The following PPFIA1 variants were observed in gnomAD, a reference collection of about 807,000 sequenced individuals.
The protein encoded by PPFIA1 is liprin-alpha-1.
PPFIA1 carries 25 observed loss-of-function variants against 149.9 expected under a neutral mutation model. The observed-to-expected ratio is 0.17, with a 90% confidence interval of 0.12 to 0.23. PPFIA1 has a LOEUF of 0.23. PPFIA1 is among the 10% of genes least tolerant of loss of function. PPFIA1 has a pLI of 1.00. For missense variants in PPFIA1, 1,362 were observed against 1,506.5 expected (o/e 0.90, Z 1.59); for synonymous variants, 549 against 552.8 (o/e 0.99, Z 0.10).
intron 2 of PPFIA1, among the ~76,000 whole-genome samples, chr11:70,295,860 G>A (rs1177222191): frequency 6.6e-6 from 1 of 151,742 alleles, no homozygotes; most frequent in Admixed American, 6.5e-5. Context: ...TGGCTGCTGG[G>A]CGGAGGGGCT....
intron 16 of PPFIA1, among the ~76,000 whole-genome samples, chr11:70,349,166 A>G (rs1008870717): frequency 2.0e-5 from 3 of 150,534 alleles, no homozygotes; most frequent in Admixed American, 6.6e-5. Context: ...AAGGAAAAAC[A>G]TGAAATGGGT....
intron 2 of PPFIA1, 84 bp downstream of exon 2, chr11:70,272,520 A>G: frequency 7.1e-7 from 1 of 1,412,064 alleles, no homozygotes; most frequent in Non-Finnish European, 9.6e-7. Context: ...AATGTTTCAG[A>G]TGAGTATTTT....
chr11:70,292,593 G>T (rs2051611650), intron 2 of PPFIA1, among the ~76,000 whole-genome samples: 1 of 152,186 alleles, frequency 6.6e-6, no homozygotes, highest in Non-Finnish European at 1.5e-5. Context: ...ACCGTCCAGG[G>T]GCTGGGTATA....
intron 15 of PPFIA1, among the ~76,000 whole-genome samples, chr11:70,345,592 G>C (rs2055640693): frequency 6.6e-6 from 1 of 152,032 alleles, no homozygotes. Flanking sequence ...TGGTTTAGAG[G>C]AGACTAGGAA....
intron 2 of PPFIA1, chr11:70,279,053 A>G (rs1333062784): frequency 3.8e-6 from 2 of 524,932 alleles, no homozygotes; most frequent in Non-Finnish European, 7.2e-6. Context: ...AATGAGGGGT[A>G]GTATGCTTTA....
Position 70,272,194 on chromosome 11 carries a change from A to G in PPFIA1, c.22A>G (p.Thr8Ala), listed in dbSNP as rs2135967741. 1 of 1,613,800 alleles carries G rather than the reference A, an allele frequency of 6.2e-7. No homozygotes were observed. Among genetic ancestry groups the G allele is most frequent in the South Asian group, 1.1e-5 (1 of 91,072 alleles). Residue 8 changes from threonine (T) to alanine (A), a missense_variant, in exon 2 of 28, where the codon ACC becomes GCC. By Grantham distance (58) the Thr-to-Ala change is moderately conservative (BLOSUM62 0). Around this residue, in one of 7 missense-constraint regions of PPFIA1, gnomAD observed 100 missense variants for 106.2 expected, o/e 0.94. Coordinates refer to ENST00000253925, the MANE Select transcript of PPFIA1 (RefSeq NM_003626.5). Reference protein sequence around the residue: MMCEVMPTISEAEGPPGG... With the variant: MMCEVMPAISEAEGPPGG... ...CAAGATGATGTGCGAGGTGATGCCG[A>G]CCATCAGCGAAGCAGAAGGCCCCCC...
At position 70,284,395 on chromosome 11, in the gene PPFIA1, G is replaced by A. The variant is rs546451889; in HGVS notation, c.264+11959G>A. Reference sequence around the variant, plus strand: ...ACTGAATTTGCCATCTTGTCTTCCTGTTCCTACACCTTTAATTGTCAGCAA... The same window carrying A: ...ACTGAATTTGCCATCTTGTCTTCCTATTCCTACACCTTTAATTGTCAGCAA... On this transcript the variant is annotated intron_variant, in intron 2 of 27. Coordinates refer to ENST00000253925, the MANE Select transcript of PPFIA1 (RefSeq NM_003626.5). 3.3e-5 allele frequency among the ~76,000 whole-genome samples: 5 copies of A among 152,274 alleles called. No individual in the cohort carries two copies. The South Asian group carries it at 8.3e-4, about 25-fold the overall frequency.
At chr11:70,311,355 C>T (rs1316950812) in intron 2 of PPFIA1, among the ~76,000 whole-genome samples, 1 of 151,868 alleles carries the variant, frequency 6.6e-6, no homozygotes, top group Non-Finnish European at 1.5e-5. Flanking sequence ...GCTAGAAATC[C>T]AGAAAGTTGT....
chr11:70,278,571 T>C (rs77449480), intron 2 of PPFIA1, among the ~76,000 whole-genome samples: 1 of 152,194 alleles, frequency 6.6e-6, no homozygotes, highest in Non-Finnish European at 1.5e-5. Flanking sequence ...ACTGAGTTTA[T>C]CCACCAGAGT....
At chr11:70,332,305 C>T (rs1348139960) in intron 9 of PPFIA1, among the ~76,000 whole-genome samples, 3 of 152,114 alleles carry the variant, frequency 2.0e-5, no homozygotes, top group Non-Finnish European at 2.9e-5. Flanking sequence ...GTTTTGTGAG[C>T]TGTATACTAT....
At chr11:70,339,686 C>T (rs891980673) in intron 14 of PPFIA1, among the ~76,000 whole-genome samples, 1 of 148,190 alleles carries the variant, frequency 6.7e-6, no homozygotes, top group Non-Finnish European at 1.5e-5. Context: ...CTTTTAAATA[C>T]AATGATAATC....
chr11:70,350,168 A>G (rs1377279908), intron 16 of PPFIA1: 4 of 305,050 alleles, frequency 1.3e-5, no homozygotes, highest in South Asian at 2.6e-5. Context: ...GTGTATTACT[A>G]TATAGTAAGT....
intron 2 of PPFIA1, among the ~76,000 whole-genome samples, chr11:70,316,141 G>A (rs756450563): frequency 1.3e-5 from 2 of 151,828 alleles, no homozygotes; most frequent in Admixed American, 6.6e-5. Context: ...GCGCAGTCTC[G>A]GCTCACTGCA....
intron 15 of PPFIA1, 75 bp downstream of exon 15, chr11:70,343,967 T>C (rs769847602): frequency 3.2e-6 from 4 of 1,236,514 alleles, no homozygotes; most frequent in Non-Finnish European, 4.6e-6. Flanking sequence ...TGGAAAAGTC[T>C]GGATGAAATA....
At chr11:70,358,831 G>A (rs758023802) in intron 19 of PPFIA1, among the ~76,000 whole-genome samples, 3 of 152,198 alleles carry the variant, frequency 2.0e-5, no homozygotes, top group Non-Finnish European at 4.4e-5. Flanking sequence ...CCCGCAAGTC[G>A]GGGCTGGCTG....
rs2057298906 is a variant in PPFIA1, at chr11:70,372,212, C to G, written c.2866-3C>G. 4 of 1,594,348 alleles carry G rather than the reference C, an allele frequency of 2.5e-6. No homozygotes were observed. The highest frequency in any genetic ancestry group is 3.4e-6 in the Non-Finnish European group (4 of 1,171,996). ...ACTGACCTTTTCCATTTATGAAAAG[C>G]AGACACTCGCCTATGGGGACATGAA... On this transcript the variant is annotated splice_polypyrimidine_tract_variant and splice_region_variant and intron_variant, in intron 21 of 27. Transcript: ENST00000253925.
intron 2 of PPFIA1, among the ~76,000 whole-genome samples, chr11:70,275,337 G>C (rs1176423399): frequency 6.6e-6 from 1 of 152,148 alleles, no homozygotes; most frequent in Non-Finnish European, 1.5e-5. Flanking sequence ...TCTATATTCT[G>C]AGTACATATG....
chr11:70,310,706 TAA>T (rs1565377870), intron 2 of PPFIA1, among the ~76,000 whole-genome samples: 27 of 152,256 alleles, frequency 1.8e-4, no homozygotes, highest in Admixed American at 1.7e-3. Context: ...CTAAAAGCAC[TAA>T]GGGCTTTTTT....
At chr11:70,297,413 A>G (rs2052146034) in intron 2 of PPFIA1, among the ~76,000 whole-genome samples, 1 of 149,488 alleles carries the variant, frequency 6.7e-6, no homozygotes. Flanking sequence ...CTCTAAAATG[A>G]AAAAAAAAGA....
Sources: gnomAD v4.1 joint callset for allele counts (sites outside exome capture counted in the v4.1 genomes callset) on GRCh38, gnomAD v4.1.1 for gene constraint, gnomAD v4.1.1 regional missense constraint, MANE v1.5 for transcripts, NCBI Gene and HGNC (gene_info 2026-07-23, HGNC 2026-07-21) for gene names.